KCNMB2: variants seen among roughly 807,000 people sequenced by gnomAD.
KCNMB2 encodes calcium-activated potassium channel subunit beta-2.
Under a neutral mutation model 24.5 loss-of-function variants are expected in KCNMB2, and 9 were observed. The ratio of observed to expected loss-of-function variants is 0.37; its 90% CI spans 0.22 to 0.64. The LOEUF (loss-of-function observed/expected upper bound fraction) is 0.64. Among genes scored for constraint, KCNMB2 ranks in the 30% least tolerant of loss-of-function variants. The pLI is 0.63. For missense variants in KCNMB2, 226 were observed against 284.3 expected (o/e 0.79, Z 1.47); for synonymous variants, 109 against 104.4 (o/e 1.04, Z -0.27).
chr3:178,697,424 A>T (rs1721922027), intron 1 of KCNMB2, among the ~76,000 whole-genome samples: 1 of 151,910 alleles, frequency 6.6e-6, no homozygotes. Flanking sequence ...TAGAATTGCA[A>T]CCCCTGCTTT....
chr3:178,726,483 A>G (rs9832846), intron 1 of KCNMB2, among the ~76,000 whole-genome samples: 108,501 of 151,806 alleles, frequency 0.71, 39,915 homozygotes, highest in African/African-American at 0.92. Context: ...AAATTCTTTC[A>G]GTTTTCTTTG....
At chr3:178,728,618 A>C (rs1383543863) in intron 1 of KCNMB2, among the ~76,000 whole-genome samples, 6 of 152,118 alleles carry the variant, frequency 3.9e-5, no homozygotes, top group African/African-American at 1.2e-4. Context: ...AGTCACCTCC[A>C]TTAGCCTCAG....
intron 1 of KCNMB2, among the ~76,000 whole-genome samples, chr3:178,690,606 T>C (rs78107348): frequency 6.6e-6 from 1 of 152,192 alleles, no homozygotes; most frequent in Admixed American, 6.5e-5. Flanking sequence ...TCCTCTGACA[T>C]GCACTCTTCT....
chr3:178,612,913 T>G (rs11922066), intron 1 of KCNMB2, among the ~76,000 whole-genome samples: 26,896 of 152,026 alleles, frequency 0.18, 2,620 homozygotes, highest in South Asian at 0.32. Flanking sequence ...TATTGTGTGT[T>G]TTTTTGGTTT....
intron 1 of KCNMB2, among the ~76,000 whole-genome samples, chr3:178,734,178 A>C (rs1723244721): frequency 6.6e-6 from 1 of 152,216 alleles, no homozygotes; most frequent in Non-Finnish European, 1.5e-5. Context: ...TGTATGTTTC[A>C]TATGCACCTT....
intron 1 of KCNMB2, among the ~76,000 whole-genome samples, chr3:178,669,177 C>T (rs1199435882): frequency 6.6e-6 from 1 of 152,054 alleles, no homozygotes; most frequent in African/African-American, 2.4e-5. Flanking sequence ...ATAGGAAACA[C>T]CTCTCAAACA....
At chr3:178,797,235 C>T (rs1713586380) in intron 1 of KCNMB2, among the ~76,000 whole-genome samples, 1 of 152,012 alleles carries the variant, frequency 6.6e-6, no homozygotes, top group Non-Finnish European at 1.5e-5. Flanking sequence ...GAGATCAAAG[C>T]CATAATAAAA....
At chr3:178,777,609 T>C (rs1712635691) in intron 1 of KCNMB2, among the ~76,000 whole-genome samples, 1 of 152,160 alleles carries the variant, frequency 6.6e-6, no homozygotes, top group Non-Finnish European at 1.5e-5. Context: ...ATAAGAGGGT[T>C]TGTCATCAGA....
At position 178,537,599 on chromosome 3, in the gene KCNMB2, T is replaced by TGG. The variant is rs1210399712; in HGVS notation, c.-68+888_-68+889insGG. 6.6e-5 allele frequency among the ~76,000 whole-genome samples: 10 copies of TGG among 152,276 alleles called. No homozygotes were observed. The East Asian group carries it at 1.9e-3, about 29-fold the overall frequency. On this transcript the variant is annotated intron_variant, in intron 1 of 4. Coordinates refer to ENST00000452583, the MANE Select transcript of KCNMB2 (RefSeq NM_181361.3). ...TGCTTTGTACTTTATATGGGATCGG[T>TGG]ATAGCACAATCAGAAAAGGAAATGT...
At chr3:178,745,840 T>C (rs1261537429) in intron 1 of KCNMB2, among the ~76,000 whole-genome samples, 1 of 152,240 alleles carries the variant, frequency 6.6e-6, no homozygotes, top group Admixed American at 6.5e-5. Context: ...TTTGACTCCA[T>C]GTCTCACATC....
chr3:178,757,383 T>C lies in KCNMB2; in HGVS notation c.-67-49960T>C, dbSNP rs186908177. Reference sequence around the variant, plus strand: ...ATATATATATATATATCCAAGAGGATATATATATATGTATATATATCCAAG... The same window carrying C: ...ATATATATATATATATCCAAGAGGACATATATATATGTATATATATCCAAG... On this transcript the variant is annotated intron_variant, in intron 1 of 4. Coordinates refer to ENST00000452583, the MANE Select transcript of KCNMB2 (RefSeq NM_181361.3). Among the ~76,000 whole-genome samples, 23 of 50,414 alleles carry C rather than the reference T, an allele frequency of 4.6e-4. 1 individual carries two copies. The highest frequency in any genetic ancestry group is 6.9e-4 in the African/African-American group (8 of 11,606). 33.1% of individuals were successfully genotyped at this position (50,414 alleles called of 152,430 possible).
chr3:178,602,321 C>T (rs980988022), intron 1 of KCNMB2, among the ~76,000 whole-genome samples: 3 of 151,960 alleles, frequency 2.0e-5, no homozygotes, highest in South Asian at 4.1e-4. Flanking sequence ...ATATATATAT[C>T]GATTTTTTTT....
intron 2 of KCNMB2, among the ~76,000 whole-genome samples, chr3:178,809,004 C>T (rs1276171660): frequency 6.6e-6 from 1 of 152,172 alleles, no homozygotes; most frequent in African/African-American, 2.4e-5. Flanking sequence ...TGAAAATTTA[C>T]TTTACTTGAT....
Position 178,815,943 on chromosome 3 carries a change from G to A in KCNMB2, c.56+8478G>A, listed in dbSNP as rs551313661. 7.3e-5 allele frequency among the ~76,000 whole-genome samples: 11 copies of A among 151,690 alleles called. 1 individual carries two copies. The South Asian group carries it at 1.5e-3, about 20-fold the overall frequency. The stretch of plus-strand genomic sequence containing the variant: ...GTTTATCTTGTTTTTAAAATTTCAC[G>A]TTTATGTTTGTGAAAGATATTGACC... On this transcript the variant is annotated intron_variant, in intron 2 of 4. Coordinates refer to ENST00000452583, the MANE Select transcript of KCNMB2 (RefSeq NM_181361.3).
intron 1 of KCNMB2, among the ~76,000 whole-genome samples, chr3:178,592,840 A>G (rs1000220756): frequency 4.6e-5 from 7 of 152,042 alleles, no homozygotes; most frequent in African/African-American, 1.7e-4. Context: ...AGAAGGGCCC[A>G]GTTTGTTAGC....
chr3:178,657,569 C>A (rs1396711345), intron 1 of KCNMB2, among the ~76,000 whole-genome samples: 1 of 152,226 alleles, frequency 6.6e-6, no homozygotes, highest in African/African-American at 2.4e-5. Flanking sequence ...TAAAAGCTAT[C>A]CTCATGTCTG....
At chr3:178,687,035 CT>C (rs1721495457) in intron 1 of KCNMB2, among the ~76,000 whole-genome samples, 1 of 152,050 alleles carries the variant, frequency 6.6e-6, no homozygotes, top group Non-Finnish European at 1.5e-5. Context: ...CTTGAGCATG[CT>C]TGATTTAGAA....
intron 1 of KCNMB2, among the ~76,000 whole-genome samples, chr3:178,698,025 C>A (rs1396264552): frequency 1.3e-5 from 2 of 152,080 alleles, no homozygotes; most frequent in Non-Finnish European, 2.9e-5. Context: ...TCTCTAGCTG[C>A]CTTTAACATC....
intron 1 of KCNMB2, among the ~76,000 whole-genome samples, chr3:178,760,188 C>CTA (rs1232446653): frequency 7.5e-5 from 1 of 13,284 alleles, no homozygotes; most frequent in Admixed American, 1.0e-3. Context: ...GAGGATATAT[C>CTA]TATATATATA....
Sources: allele counts gnomAD v4.1 joint callset (sites outside exome capture counted in the v4.1 genomes callset), GRCh38; gene constraint gnomAD v4.1.1; transcripts MANE v1.5; gene names NCBI Gene and HGNC (gene_info 2026-07-23, HGNC 2026-07-21).